Variants in CACNA1D observed in about 807,000 individuals in gnomAD.
The protein encoded by CACNA1D is calcium voltage-gated channel subunit alpha1 D.
A neutral mutation model predicts 257.1 loss-of-function variants in CACNA1D; 55 were observed. The observed-to-expected ratio is 0.21, with a 90% confidence interval of 0.17 to 0.27. The LOEUF (loss-of-function observed/expected upper bound fraction) is 0.27, where lower values mean the gene tolerates loss of function less well. Ranked by LOEUF, CACNA1D falls within the 10% of genes least tolerant of loss-of-function variation. CACNA1D has a pLI of 1.00. For missense variants in CACNA1D, 1,876 were observed against 2,784.0 expected, an observed-to-expected ratio of 0.67 and a Z score of 7.34; for synonymous variants, 980 against 1,014.9, an observed-to-expected ratio of 0.97 and a Z score of 0.65.
intron 30 of CACNA1D, among the ~76,000 whole-genome samples, chr3:53,763,581 T>A (rs769594599): frequency 1.4e-4 from 21 of 152,302 alleles, no homozygotes; most frequent in Middle Eastern, 3.4e-3. Context: ...TGTTGTGTGG[T>A]ATTGGCTTTT....
chr3:53,795,035 G>C (rs546833746), intron 40 of CACNA1D, among the ~76,000 whole-genome samples: 3 of 152,202 alleles, frequency 2.0e-5, no homozygotes, highest in African/African-American at 7.2e-5. Flanking sequence ...CCCCTTCCCA[G>C]TCTCAGCCCA....
At chr3:53,722,654 G>A (rs1017748070) in intron 12 of CACNA1D, among the ~76,000 whole-genome samples, 180 bp downstream of exon 12, 13 of 152,204 alleles carry the variant, frequency 8.5e-5, no homozygotes, top group African/African-American at 3.1e-4. Flanking sequence ...TCTGTGCCGC[G>A]TGGTGAAGCA....
intron 3 of CACNA1D, among the ~76,000 whole-genome samples, chr3:53,524,455 A>C (rs2091689904): frequency 1.3e-5 from 2 of 152,280 alleles, no homozygotes; most frequent in South Asian, 4.1e-4. Context: ...ACATTTAAGC[A>C]TCAGTTTAGC....
chr3:53,603,043 C>T (rs901985820), intron 3 of CACNA1D, among the ~76,000 whole-genome samples: 6 of 152,166 alleles, frequency 3.9e-5, no homozygotes, highest in Admixed American at 3.9e-4. Flanking sequence ...GGGCATGTGG[C>T]ACAGGTGAGG....
At chr3:53,626,833 C>T (rs1275104127) in intron 3 of CACNA1D, among the ~76,000 whole-genome samples, 1 of 152,166 alleles carries the variant, frequency 6.6e-6, no homozygotes, top group Non-Finnish European at 1.5e-5. Context: ...TCTCCCCTTC[C>T]TAGATGACCT....
At chr3:53,545,614 A>T (rs761397919) in intron 3 of CACNA1D, among the ~76,000 whole-genome samples, 6 of 152,206 alleles carry the variant, frequency 3.9e-5, no homozygotes, top group Non-Finnish European at 8.8e-5. Flanking sequence ...TTTACTTATA[A>T]ATGAAAACAA....
chr3:53,654,390 A>G (rs2094128586), intron 4 of CACNA1D, among the ~76,000 whole-genome samples: 1 of 152,252 alleles, frequency 6.6e-6, no homozygotes, highest in African/African-American at 2.4e-5. Context: ...CTATAGAAAT[A>G]AAGTACATGA....
intron 3 of CACNA1D, among the ~76,000 whole-genome samples, chr3:53,577,637 C>A (rs963219969): frequency 1.3e-5 from 2 of 152,112 alleles, no homozygotes; most frequent in South Asian, 2.1e-4. Flanking sequence ...GGATTCCCCA[C>A]AGAAACGGAG....
At chr3:53,566,436 A>G (rs1359500061) in intron 3 of CACNA1D, among the ~76,000 whole-genome samples, 1 of 151,996 alleles carries the variant, frequency 6.6e-6, no homozygotes, top group Non-Finnish European at 1.5e-5. Flanking sequence ...CTTCTCAGAG[A>G]GGTCCTCCCT....
In CACNA1D at chr3:53,793,975, A is replaced by G. The variant is rs984298527; in HGVS notation, c.4924-6274A>G. ...CTAAACTCTTCAGCTCCTGGATAGAAGATGAGAGGCAGGCCAGTATACATT... is the reference window on the plus strand; with the variant it reads ...CTAAACTCTTCAGCTCCTGGATAGAGGATGAGAGGCAGGCCAGTATACATT... On this transcript the variant is annotated intron_variant, in intron 40 of 47. Transcript: ENST00000350061. The surrounding 1 kb of genome is among the most constrained non-coding windows in gnomAD (Gnocchi z 4.1). Among the ~76,000 whole-genome samples, 50 of 152,246 alleles carry G rather than the reference A, an allele frequency of 3.3e-4. No individual in the cohort carries two copies. Among genetic ancestry groups the G allele is most frequent in the African/African-American group, 1.2e-3 (49 of 41,468 alleles).
intron 8 of CACNA1D, among the ~76,000 whole-genome samples, chr3:53,692,185 A>G (rs1372360185): frequency 6.6e-6 from 1 of 151,846 alleles, no homozygotes; most frequent in Non-Finnish European, 1.5e-5. Flanking sequence ...TACAAAGATA[A>G]GACAGACACA....
At position 53,691,800 on chromosome 3, in the gene CACNA1D, T is replaced by G. The variant is rs189900398; in HGVS notation, c.1221-10841T>G. On this transcript the variant is annotated intron_variant, in intron 8 of 47. Coordinates refer to ENST00000350061, the MANE Select transcript of CACNA1D (RefSeq NM_001128840.3). ...TTATATCTATAATATATATATTACA[T>G]ATATAATATATATTATATATTATAT... 9.2e-3 allele frequency among the ~76,000 whole-genome samples: 944 copies of G among 102,410 alleles called. 7 individuals are homozygous for G. Among genetic ancestry groups the G allele is most frequent in the South Asian group, 0.021 (85 of 4,100 alleles). 67.2% of individuals were successfully genotyped at this position (102,410 alleles called of 152,430 possible).
chr3:53,578,029 T>C (rs1028639107), intron 3 of CACNA1D, among the ~76,000 whole-genome samples: 7 of 152,106 alleles, frequency 4.6e-5, no homozygotes, highest in African/African-American at 1.7e-4. Context: ...AAAAATTACG[T>C]ATGGAGCCTC....
chr3:53,727,086 G>C, intron 15 of CACNA1D, 87 bp downstream of exon 15: 1 of 1,488,950 alleles, frequency 6.7e-7, no homozygotes, highest in Non-Finnish European at 9.3e-7. Context: ...GGTGATGGTG[G>C]TGGTAGTAGT....
rs1440651528 is a variant in CACNA1D at position 53,781,570 on chromosome 3, C to A, written c.4695C>A (p.Asn1565Lys). The change falls in exon 39 of 48, where the codon AAC becomes AAA. Residue 1565 changes from asparagine (N) to lysine (K), a missense_variant. By Grantham distance (94) the Asn-to-Lys change is moderately conservative. Around this residue, in one of 10 missense-constraint regions of CACNA1D, gnomAD observed 160 missense variants for 236.6 expected, o/e 0.68. Transcript: ENST00000350061. The stretch of plus-strand genomic sequence containing the variant: ...CCTTTTGTTTTTTGAATCCAGGGAA[C>A]CTGGAGCAAGCTAATGAAGAACTTC... Reference protein sequence around the residue: ...RTALKIKTEGNLEQANEELRA... With the variant: ...RTALKIKTEGKLEQANEELRA... 1.3e-5 allele frequency: 21 copies of A among 1,611,362 alleles called. No individual in the cohort carries two copies. The highest frequency in any genetic ancestry group is 1.7e-5 in the Non-Finnish European group (20 of 1,177,636).
chr3:53,691,152 T>G (rs373347361), intron 8 of CACNA1D, among the ~76,000 whole-genome samples: 2,157 of 147,612 alleles, frequency 0.015, 51 homozygotes, highest in African/African-American at 0.052. Flanking sequence ...AATACCTCTT[T>G]TTTTTTTTTT....
chr3:53,722,579 A>T (rs2094893381), intron 12 of CACNA1D, 105 bp downstream of exon 12: 3 of 1,178,542 alleles, frequency 2.5e-6, no homozygotes, highest in Middle Eastern at 1.9e-4. Context: ...GTATCGCAAC[A>T]TTTCTAGTGA....
chr3:53,540,179 CATG>C (rs1006451314), intron 3 of CACNA1D, among the ~76,000 whole-genome samples: 5 of 151,928 alleles, frequency 3.3e-5, no homozygotes, highest in African/African-American at 1.2e-4. Context: ...AGTGCAGTGG[CATG>C]ATCTGAGCTC....
chr3:53,734,219 A>T (rs1234269461), intron 19 of CACNA1D, among the ~76,000 whole-genome samples: 1 of 151,270 alleles, frequency 6.6e-6, no homozygotes, highest in Admixed American at 6.6e-5. Flanking sequence ...GTCGCCTTAC[A>T]TAAAGTTGAC....
Sources: gnomAD v4.1 joint callset for allele counts (sites outside exome capture counted in the v4.1 genomes callset) on GRCh38, gnomAD v4.1.1 for gene constraint, gnomAD v4.1.1 regional missense constraint, Gnocchi (gnomAD v3.1) non-coding constraint, MANE v1.5 for transcripts, NCBI Gene and HGNC (gene_info 2026-07-23, HGNC 2026-07-21) for gene names.